PIK3R6: variants seen among roughly 807,000 people sequenced by gnomAD.
PIK3R6 encodes the protein phosphoinositide 3-kinase regulatory subunit 6.
PIK3R6 carries 91 observed loss-of-function variants against 84.9 expected under a neutral mutation model. The observed-to-expected ratio is 1.07, with a 90% confidence interval of 0.90 to 1.28. The LOEUF (loss-of-function observed/expected upper bound fraction) is 1.28. Ranked by LOEUF, PIK3R6 falls within the 50% of genes most tolerant of loss-of-function variation. The pLI, the probability that PIK3R6 is intolerant of heterozygous loss-of-function variation, is 0.00. For synonymous variants in PIK3R6, 416 were observed against 411.4 expected (o/e 1.01, Z -0.13); for missense variants, 996 against 985.1 (o/e 1.01, Z -0.15).
intron 2 of PIK3R6, among the ~76,000 whole-genome samples, chr17:8,840,751 T>TTTTG (rs1555536532): frequency 1.4e-5 from 2 of 147,664 alleles, no homozygotes; most frequent in Non-Finnish European, 3.0e-5. Context: ...ATTATTATTT[T>TTTTG]TGTGTGTGTG....
intron 18 of PIK3R6, among the ~76,000 whole-genome samples, chr17:8,809,328 T>C (rs2087287768): frequency 2.6e-5 from 4 of 152,186 alleles, no homozygotes. Context: ...AAAAGGGTGA[T>C]ACTCATTGTC....
intron 1 of PIK3R6, among the ~76,000 whole-genome samples, chr17:8,857,723 A>C (rs1335965131): frequency 6.6e-6 from 1 of 151,990 alleles, no homozygotes; most frequent in African/African-American, 2.4e-5. Context: ...ACATGGTGAA[A>C]CCCCGTCTCT....
intron 16 of PIK3R6, among the ~76,000 whole-genome samples, chr17:8,822,184 C>T (rs2087758935): frequency 6.6e-6 from 1 of 151,956 alleles, no homozygotes; most frequent in African/African-American, 2.4e-5. Context: ...GCCACGGTGC[C>T]AGACCCGGTT....
intron 9 of PIK3R6, among the ~76,000 whole-genome samples, chr17:8,830,060 A>G (rs1444855909): frequency 6.6e-6 from 1 of 152,202 alleles, no homozygotes; most frequent in Admixed American, 6.5e-5. Context: ...CCAGCTCACA[A>G]GGCCTTTTCC....
intron 1 of PIK3R6, among the ~76,000 whole-genome samples, chr17:8,863,544 T>C (rs574145862): frequency 6.6e-6 from 1 of 151,004 alleles, no homozygotes; most frequent in South Asian, 2.1e-4. Flanking sequence ...TGTGTGTGTG[T>C]TTTTTTTTGA....
At chr17:8,840,925 T>C (rs907469359) in intron 2 of PIK3R6, among the ~76,000 whole-genome samples, 13 of 147,794 alleles carry the variant, frequency 8.8e-5, no homozygotes, top group African/African-American at 3.5e-4. Flanking sequence ...GCTAATTTTT[T>C]GTATTTTTAG....
intron 18 of PIK3R6, among the ~76,000 whole-genome samples, chr17:8,815,504 CAG>C (rs1177126002): frequency 2.4e-5 from 3 of 127,590 alleles, no homozygotes; most frequent in Admixed American, 8.4e-5. Context: ...GACTCAGTCT[CAG>C]AAAAAAAAAA....
chr17:8,863,426 T>C lies in PIK3R6; in HGVS notation c.-92+4103A>G, dbSNP rs75823852. Reference sequence around the variant, plus strand: ...ATATACAATACACCATTATTAACTATAGTCACCCTAATGTGCAATGAATCT... The same window carrying C: ...ATATACAATACACCATTATTAACTACAGTCACCCTAATGTGCAATGAATCT... On this transcript the variant is annotated intron_variant, in intron 1 of 19. Coordinates refer to ENST00000619866, the MANE Select transcript of PIK3R6 (RefSeq NM_001010855.4). Among the ~76,000 whole-genome samples the C allele has an allele frequency of 3.7e-3, 570 of 152,276 alleles. 1 individual carries two copies. Among genetic ancestry groups the C allele is most frequent in the African/African-American group, 0.013 (546 of 41,544 alleles).
At chr17:8,818,016 G>A (rs2087600346) in intron 18 of PIK3R6, among the ~76,000 whole-genome samples, 2 of 151,848 alleles carry the variant, frequency 1.3e-5, no homozygotes, top group Non-Finnish European at 2.9e-5. Context: ...TGGGGAAAGA[G>A]AACTGCAAAC....
rs1198030860 is a variant in PIK3R6, at chr17:8,850,710, GAACA to G, written c.-91-829_-91-826del. ...GATTGTTTTTGGAGAGAAAACAAGCGAACAAACAAACAAACGTATAACTGGGAAA... is the reference window on the plus strand; with the variant it reads ...GATTGTTTTTGGAGAGAAAACAAGCGAACAAACAAACGTATAACTGGGAAA... On this transcript the variant is annotated intron_variant, in intron 1 of 19. Transcript: ENST00000619866. 3.3e-5 allele frequency among the ~76,000 whole-genome samples: 5 copies of G among 151,908 alleles called. No homozygotes were observed. The East Asian group carries it at 5.8e-4, about 18-fold the overall frequency.
rs2088610522 is a variant in PIK3R6 at position 8,839,707 on chromosome 17, G to A, written c.14-10C>T. 3 of 1,560,782 alleles carry A rather than the reference G, an allele frequency of 1.9e-6. No individual in the cohort carries two copies. The highest frequency in any genetic ancestry group is 8.7e-7 in the Non-Finnish European group (1 of 1,151,698). Reference sequence around the variant, plus strand: ...AGGTCCAGCTCCACATCTGGGCAGTGGTAGGGGTGGGAGGAAACTCAGTCC... The same window carrying A: ...AGGTCCAGCTCCACATCTGGGCAGTAGTAGGGGTGGGAGGAAACTCAGTCC... On this transcript the variant is annotated splice_polypyrimidine_tract_variant and intron_variant, in intron 2 of 19. Coordinates refer to ENST00000619866, the MANE Select transcript of PIK3R6 (RefSeq NM_001010855.4). The surrounding 1 kb of genome is among the most constrained non-coding windows in gnomAD (Gnocchi z 4.2).
intron 1 of PIK3R6, among the ~76,000 whole-genome samples, chr17:8,867,103 C>T (rs2089429998): frequency 6.6e-6 from 1 of 152,168 alleles, no homozygotes; most frequent in African/African-American, 2.4e-5. Context: ...TGCTTCATCT[C>T]CCTAAGCCTC....
intron 2 of PIK3R6, among the ~76,000 whole-genome samples, chr17:8,845,818 T>C (rs2088802238): frequency 6.6e-6 from 1 of 152,058 alleles, no homozygotes; most frequent in East Asian, 1.9e-4. Flanking sequence ...GTAATGATGA[T>C]CCCAGCTACA....
At chr17:8,847,625 A>G (rs1170118699) in intron 2 of PIK3R6, among the ~76,000 whole-genome samples, 1 of 151,874 alleles carries the variant, frequency 6.6e-6, no homozygotes, top group Admixed American at 6.6e-5. Context: ...ACACGGTGAA[A>G]CCCCGTCTCT....
chr17:8,860,351 CA>C (rs2151317428), intron 1 of PIK3R6, among the ~76,000 whole-genome samples: 1 of 152,234 alleles, frequency 6.6e-6, no homozygotes, highest in East Asian at 1.9e-4. Context: ...ACTGCGCATG[CA>C]AGGGATCCAG....
chr17:8,833,190 T>C lies in PIK3R6; in HGVS notation c.646-145A>G, dbSNP rs2088323531. 4 of 1,211,390 alleles carry C rather than the reference T, an allele frequency of 3.3e-6. No individual in the cohort carries two copies. In the South Asian group the frequency reaches 6.4e-5, roughly 19 times the overall value. The allele number at this position is 1,211,390 out of a possible 1,614,324, so 75.0% of individuals were successfully genotyped here. On this transcript the variant is annotated intron_variant, in intron 8 of 19. Coordinates refer to ENST00000619866, the MANE Select transcript of PIK3R6 (RefSeq NM_001010855.4). ...CCCGGCAGGAGCTTCCCCCGAAGGCTTCTGGATCCCACATCCAGGGCCCTA... is the reference window on the plus strand; with the variant it reads ...CCCGGCAGGAGCTTCCCCCGAAGGCCTCTGGATCCCACATCCAGGGCCCTA...
At chr17:8,823,543 C>T (rs2151215236) in intron 13 of PIK3R6, 46 bp from the exon 14 acceptor site, 1 of 1,331,316 alleles carries the variant, frequency 7.5e-7, no homozygotes, top group Non-Finnish European at 1.1e-6. Context: ...CCCAAGGCCA[C>T]TGTGGGAGAT....
chr17:8,852,829 C>A (rs1284149736), intron 1 of PIK3R6, among the ~76,000 whole-genome samples: 1 of 151,708 alleles, frequency 6.6e-6, no homozygotes, highest in African/African-American at 2.4e-5. Context: ...AGAAAATTTC[C>A]AGTCATACAT....
chr17:8,851,656 G>T (rs921137849), intron 1 of PIK3R6, among the ~76,000 whole-genome samples: 3 of 152,232 alleles, frequency 2.0e-5, no homozygotes, highest in African/African-American at 4.8e-5. Context: ...GTGGTGCATT[G>T]CTGGTGGGAA....
Sources: gnomAD v4.1 joint callset for allele counts (sites outside exome capture counted in the v4.1 genomes callset) on GRCh38, gnomAD v4.1.1 for gene constraint, Gnocchi (gnomAD v3.1) non-coding constraint, MANE v1.5 for transcripts, NCBI Gene and HGNC (gene_info 2026-07-23, HGNC 2026-07-21) for gene names.